Variants in PCDH10 observed in about 807,000 individuals in gnomAD.
The protein encoded by PCDH10 is protocadherin-10.
PCDH10 carries 15 observed loss-of-function variants against 74.4 expected under a neutral mutation model. That is an observed-to-expected ratio of 0.20 (90% CI 0.13 to 0.31). The LOEUF (loss-of-function observed/expected upper bound fraction) is 0.31, where lower values mean the gene tolerates loss of function less well. Ranked by LOEUF, PCDH10 falls within the 10% of genes least tolerant of loss-of-function variation. The pLI, the probability that PCDH10 is intolerant of heterozygous loss-of-function variation, is 1.00. For missense variants in PCDH10, 1,260 were observed against 1,390.2 expected (o/e 0.91, Z 1.49); for synonymous variants, 619 against 589.8 (o/e 1.05, Z -0.72).
At chr4:133,175,383 CGTT>C (rs34213857) in intron 4 of PCDH10, among the ~76,000 whole-genome samples, 3,745 of 152,092 alleles carry the variant, frequency 0.025, 135 homozygotes, top group East Asian at 0.17. Flanking sequence ...CAAGAAAACT[CGTT>C]GTTGGGCACA....
At chr4:133,163,864 AAG>A (rs1177920163) in intron 4 of PCDH10, 1 of 436,726 alleles carries the variant, frequency 2.3e-6, no homozygotes, top group South Asian at 1.7e-5. Flanking sequence ...TGAAAAGTAA[AAG>A]AGTTTTTAAA....
chr4:133,197,971 G>C (rs1578581181), downstream of PCDH10, among the ~76,000 whole-genome samples: 1 of 20,654 alleles, frequency 4.8e-5, no homozygotes, highest in Non-Finnish European at 1.2e-4. Flanking sequence ...TCTCAAAATT[G>C]TGTGTGTGTG....
In PCDH10 at chr4:133,150,634, G is replaced by A. The variant is rs749325067; in HGVS notation, c.494G>A (p.Ser165Asn). 6 of 1,613,310 alleles carry A rather than the reference G, an allele frequency of 3.7e-6. No individual in the cohort carries two copies. Among genetic ancestry groups the A allele is most frequent in the Non-Finnish European group, 4.2e-6 (5 of 1,179,984 alleles). The stretch of plus-strand genomic sequence containing the variant: ...CGCGACTACGAGATCACCCCCAACA[G>A]CTACTTCTCCCTGGACGTGCAGACC... ...SLRDYEITPNSYFSLDVQTQG... is the reference protein window; with the variant it reads ...SLRDYEITPNNYFSLDVQTQG... The change falls in exon 1 of 5, where the codon AGC becomes AAC. Residue 165 changes from serine to asparagine, a missense_variant. By Grantham distance (46) the Ser-to-Asn change is conservative. Coordinates refer to ENST00000264360, the MANE Select transcript of PCDH10 (RefSeq NM_032961.3).
intron 3 of PCDH10, 61 bp downstream of exon 3, chr4:133,155,084 A>G (rs1031325200): frequency 8.6e-6 from 10 of 1,167,240 alleles, no homozygotes; most frequent in Admixed American, 1.7e-5. Context: ...TTTAAAAATA[A>G]ACGTAGGAAG....
At chr4:133,181,651 G>T (rs757346968) in intron 4 of PCDH10, among the ~76,000 whole-genome samples, 3 of 150,098 alleles carry the variant, frequency 2.0e-5, no homozygotes, top group Non-Finnish European at 4.5e-5. Flanking sequence ...GTGCAGGGTT[G>T]TTTTTTCTGC....
intron 1 of PCDH10, chr4:133,153,062 A>C (rs1223334792): frequency 7.3e-7 from 1 of 1,370,186 alleles, no homozygotes; most frequent in African/African-American, 1.5e-5. Context: ...CCTTCTCAGT[A>C]ACCTGGGCAT....
intron 4 of PCDH10, among the ~76,000 whole-genome samples, chr4:133,189,904 T>C (rs2125873694): frequency 6.6e-6 from 1 of 152,238 alleles, no homozygotes; most frequent in South Asian, 2.1e-4. Context: ...CTTTGGTATA[T>C]AAAATGTACA....
At chr4:133,187,824 T>A (rs1325556787) in intron 4 of PCDH10, among the ~76,000 whole-genome samples, 1 of 152,100 alleles carries the variant, frequency 6.6e-6, no homozygotes, top group Non-Finnish European at 1.5e-5. Flanking sequence ...AAGAAACAAT[T>A]TCTGTTTGTA....
At chr4:133,169,927 A>G (rs1727169111) in intron 4 of PCDH10, among the ~76,000 whole-genome samples, 1 of 152,056 alleles carries the variant, frequency 6.6e-6, no homozygotes, top group African/African-American at 2.4e-5. Context: ...TTCACTGTTC[A>G]AGTTTAAATA....
chr4:133,205,965 A>G (rs1036688282), intron 2 of PCDH10, among the ~76,000 whole-genome samples: 1 of 152,152 alleles, frequency 6.6e-6, no homozygotes, highest in Non-Finnish European at 1.5e-5. Context: ...TTAATGTCTT[A>G]TGATACTTGG....
intron 4 of PCDH10, among the ~76,000 whole-genome samples, chr4:133,177,255 C>G (rs1003189809): frequency 6.6e-6 from 1 of 152,080 alleles, no homozygotes; most frequent in Non-Finnish European, 1.5e-5. Context: ...CCTAGAGATA[C>G]TTTTGCCTCC....
At position 133,188,665 on chromosome 4, in the gene PCDH10, G is replaced by GTTTTTTTTT. The variant is rs1167321577; in HGVS notation, c.3104-1459_3104-1451dup. On this transcript the variant is annotated intron_variant, in intron 4 of 4. Coordinates refer to ENST00000264360, the MANE Select transcript of PCDH10 (RefSeq NM_032961.3). ...TGATGATGGTGCCTGACTGCTATGG[G>GTTTTTTTTT]TTTTTTTTTTTTTTTTTTTTTTTTT... Among the ~76,000 whole-genome samples the GTTTTTTTTT allele has an allele frequency of 2.3e-4, 17 of 74,676 alleles. 1 individual carries two copies. Among genetic ancestry groups the GTTTTTTTTT allele is most frequent in the South Asian group, 5.6e-4 (1 of 1,778 alleles). The allele number at this position is 74,676 out of a possible 152,430, so 49.0% of individuals were successfully genotyped here. A position where few individuals can be genotyped will look rare whatever the true frequency, so the allele number is the denominator to read the frequency against.
At chr4:133,187,429 G>A (rs1727566370) in intron 4 of PCDH10, among the ~76,000 whole-genome samples, 1 of 152,048 alleles carries the variant, frequency 6.6e-6, no homozygotes, top group Non-Finnish European at 1.5e-5. Context: ...CTGGAAACAG[G>A]CCCTCACAGA....
chr4:133,163,373 G>A, intron 4 of PCDH10, 91 bp downstream of exon 4: 2 of 1,188,024 alleles, frequency 1.7e-6, no homozygotes, highest in Middle Eastern at 2.8e-4. Flanking sequence ...TGGAGTTCAG[G>A]TTTTTTTAAG....
rs78496148 is a variant in PCDH10 at position 133,192,044 on chromosome 4, T to C, written c.*1884T>C. 3 of 151,428 alleles carry C rather than the reference T, an allele frequency of 2.0e-5. No individual in the cohort carries two copies. Among genetic ancestry groups the C allele is most frequent in the Non-Finnish European group, 4.4e-5 (3 of 67,596 alleles). The allele number at this position is 151,428 out of a possible 1,614,324, so 9.4% of individuals were successfully genotyped here. A position where few individuals can be genotyped will look rare whatever the true frequency, so the allele number is the denominator to read the frequency against. The stretch of plus-strand genomic sequence containing the variant: ...AGAGTGATATATTGGTATCACTCAT[T>C]TGACTGTTATCAAATTAGATATTAA... On this transcript the variant is annotated 3_prime_UTR_variant, in exon 5 of 5. Coordinates refer to ENST00000264360, the MANE Select transcript of PCDH10 (RefSeq NM_032961.3).
chr4:133,190,363 G>GTAGAAACTTTAGAGGCAACAGA lies in PCDH10; in HGVS notation c.*205_*226dup, dbSNP rs1727634765. The GTAGAAACTTTAGAGGCAACAGA allele has an allele frequency of 3.3e-6, 2 of 599,698 alleles. No individual in the cohort carries two copies. Among genetic ancestry groups the GTAGAAACTTTAGAGGCAACAGA allele is most frequent in the Admixed American group, 6.1e-5 (2 of 32,902 alleles). The allele number at this position is 599,698 out of a possible 1,614,324, so 37.1% of individuals were successfully genotyped here. A position where few individuals can be genotyped will look rare whatever the true frequency, so the allele number is the denominator to read the frequency against. Reference sequence around the variant, plus strand: ...GAAATGAGTTGAAATGTGCAGAACTGTAGAAACTTTAGAGGCAACAGATTT... The same window carrying GTAGAAACTTTAGAGGCAACAGA: ...GAAATGAGTTGAAATGTGCAGAACTGTAGAAACTTTAGAGGCAACAGATAGAAACTTTAGAGGCAACAGATTT... On this transcript the variant is annotated 3_prime_UTR_variant, in exon 5 of 5. Coordinates refer to ENST00000264360, the MANE Select transcript of PCDH10 (RefSeq NM_032961.3).
Position 133,150,980 on chromosome 4 carries a change from C to G in PCDH10, c.840C>G (p.Gly280=), listed in dbSNP as rs1726665788. The G allele has an allele frequency of 3.1e-6, 5 of 1,613,966 alleles. No homozygotes were observed. Among genetic ancestry groups the G allele is most frequent in the Non-Finnish European group, 4.2e-6 (5 of 1,180,042 alleles). The stretch of plus-strand genomic sequence containing the variant: ...TCAACGCCACCGACCCGGACGAGGG[C>G]CAGAACGGTGAGGTCGTGTACTCCT... ...IQLNATDPDE[G]QNGEVVYSFS... Residue 280 remains glycine (G), a synonymous_variant, in exon 1 of 5, where the codon GGC becomes GGG. Transcript: ENST00000264360.
At position 133,151,904 on chromosome 4, in the gene PCDH10, G is replaced by A; in HGVS notation, c.1764G>A (p.Glu588=). 5 of 1,612,200 alleles carry A rather than the reference G, an allele frequency of 3.1e-6. No individual in the cohort carries two copies. Among genetic ancestry groups the A allele is most frequent in the Non-Finnish European group, 1.7e-6 (2 of 1,179,568 alleles). Residue 588 remains glutamate (E), a synonymous_variant, in exon 1 of 5, where the codon GAG becomes GAA. Coordinates refer to ENST00000264360, the MANE Select transcript of PCDH10 (RefSeq NM_032961.3). ...GGCGCAACGGGACTCCAGCGCGTGA[G>A]GTGCTGCCCCGCTCGGCGGAGCCGG... ...LPGRNGTPAR[E]VLPRSAEPGY... is the part of the protein sequence containing the mutation.
chr4:133,174,376 G>A (rs962684588), intron 4 of PCDH10, among the ~76,000 whole-genome samples: 1 of 151,640 alleles, frequency 6.6e-6, no homozygotes, highest in African/African-American at 2.4e-5. Flanking sequence ...ATACACTTCA[G>A]AAAAATAAAA....
Sources: allele counts gnomAD v4.1 joint callset (sites outside exome capture counted in the v4.1 genomes callset), GRCh38; gene constraint gnomAD v4.1.1; transcripts MANE v1.5; gene names NCBI Gene and HGNC (gene_info 2026-07-23, HGNC 2026-07-21).